PIK3C3: variants seen among roughly 807,000 people sequenced by gnomAD.
PIK3C3 encodes the protein PI3-kinase type 3.
PIK3C3 carries 95 observed loss-of-function variants against 126.1 expected under a neutral mutation model. The ratio of observed to expected loss-of-function variants is 0.75; its 90% confidence interval spans 0.64 to 0.89. PIK3C3 has a LOEUF of 0.89. PIK3C3 is among the 40% of genes least tolerant of loss of function. PIK3C3 has a pLI of 0.00. For missense variants in PIK3C3, 829 were observed against 1,063.2 expected, an observed-to-expected ratio of 0.78 and a Z score of 3.06; for synonymous variants, 374 against 360.0, an observed-to-expected ratio of 1.04 and a Z score of -0.44.
At chr18:42,057,820 A>G (rs1451995306) in intron 21 of PIK3C3, 63 bp from the exon 22 acceptor site, 1 of 1,416,308 alleles carries the variant, frequency 7.1e-7, no homozygotes, top group African/African-American at 1.4e-5. Flanking sequence ...ATTGTGTGAC[A>G]TATCACCTAC....
chr18:41,982,688 AC>A lies in PIK3C3; in HGVS notation c.532-5120del, dbSNP rs199738723. Among the ~76,000 whole-genome samples the A allele has an allele frequency of 9.8e-4, 149 of 152,306 alleles. No individual in the cohort carries two copies. The East Asian group carries it at 0.019, about 20-fold the overall frequency. ...AAGCACAAAGAGGACTATGAAAGTC[AC>A]CCCAGTCTACCTACCACTCAAAGAT... On this transcript the variant is annotated intron_variant, in intron 4 of 24. Transcript: ENST00000262039.
chr18:42,013,754 A>G (rs916943332), intron 11 of PIK3C3, among the ~76,000 whole-genome samples, 158 bp downstream of exon 11: 5 of 152,176 alleles, frequency 3.3e-5, no homozygotes, highest in African/African-American at 9.7e-5. Flanking sequence ...CACACAGATT[A>G]CTATATTAGG....
At chr18:42,023,133 A>G (rs1300021467) in intron 13 of PIK3C3, among the ~76,000 whole-genome samples, 2 of 152,200 alleles carry the variant, frequency 1.3e-5, no homozygotes, top group Non-Finnish European at 2.9e-5. Flanking sequence ...TTTCCTTGCA[A>G]TATTCACAGA....
intron 10 of PIK3C3, among the ~76,000 whole-genome samples, chr18:42,011,567 C>T (rs1291334015): frequency 6.6e-6 from 1 of 152,086 alleles, no homozygotes; most frequent in East Asian, 1.9e-4. Flanking sequence ...TTTGATCTAC[C>T]CAGACCACCA....
chr18:42,067,565 C>T (rs781379536), intron 24 of PIK3C3, 52 bp downstream of exon 24: 24 of 1,597,346 alleles, frequency 1.5e-5, no homozygotes, highest in Non-Finnish European at 2.1e-5. Flanking sequence ...TGTACTGCCC[C>T]AGAGTCCTTG....
chr18:41,984,278 T>C (rs1310825509), intron 4 of PIK3C3, among the ~76,000 whole-genome samples: 1 of 152,106 alleles, frequency 6.6e-6, no homozygotes. Flanking sequence ...TGGTCTTTAG[T>C]ATCTATAGAA....
intron 12 of PIK3C3, among the ~76,000 whole-genome samples, chr18:42,017,485 A>T (rs573570026): frequency 5.9e-5 from 9 of 152,092 alleles, no homozygotes; most frequent in Non-Finnish European, 1.2e-4. Context: ...GTGTTATTGA[A>T]ATCTGTACTC....
At position 42,033,888 on chromosome 18, in the gene PIK3C3, TA is replaced by T; in HGVS notation, c.1771del (p.Ile591SerfsTer5). The T allele has an allele frequency of 6.2e-7, 1 of 1,605,656 alleles. No homozygotes were observed. ...AGATGAATTTGTCAGATGTGGAACT[TA>T]TCCCGTTGCCTTTAGAACCCCAAGT... is the stretch of plus-strand genomic sequence containing the variant. ...EKMNLSDVEL[I>X]PLPLEPQVKI... On this transcript the variant is annotated frameshift_variant, in exon 16 of 25. Transcript: ENST00000262039. LOFTEE classifies it high-confidence loss of function.
Position 42,020,685 on chromosome 18 carries a change from A to C in PIK3C3, c.1464A>C (p.Thr488=), listed in dbSNP as rs772377643. The C allele has an allele frequency of 6.3e-7, 1 of 1,596,336 alleles. No individual in the cohort carries two copies. The highest frequency in any genetic ancestry group is 8.6e-7 in the Non-Finnish European group (1 of 1,165,310). ...TATCGAGAGCCTGCAAAAACTCAAC[A>C]CTGGCTAATTATTTATACTGGTATG... The part of the protein sequence containing the change: ...FLISRACKNS[T]LANYLYWYVI... Residue 488 remains threonine (T), a synonymous_variant, in exon 13 of 25, where the codon ACA becomes ACC. Transcript: ENST00000262039.
At chr18:42,007,433 C>T (rs964530063) in intron 10 of PIK3C3, among the ~76,000 whole-genome samples, 1 of 151,988 alleles carries the variant, frequency 6.6e-6, no homozygotes, top group Admixed American at 6.5e-5. Context: ...TAAAACTGCA[C>T]CAGAATCTTA....
intron 19 of PIK3C3, 95 bp downstream of exon 19, chr18:42,040,836 T>G: frequency 1.2e-6 from 1 of 801,960 alleles, no homozygotes; most frequent in Non-Finnish European, 2.0e-6. Context: ...AAAGTCTCCT[T>G]TTATCATTTT....
chr18:41,979,655 G>A (rs888843118), intron 4 of PIK3C3, among the ~76,000 whole-genome samples: 7 of 151,938 alleles, frequency 4.6e-5, no homozygotes, highest in Non-Finnish European at 8.8e-5. Flanking sequence ...TTTATTTTAC[G>A]CTTTTAAGAT....
chr18:42,078,456 CTGTTTCATT>C (rs1186097321), intron 24 of PIK3C3, among the ~76,000 whole-genome samples: 1 of 150,352 alleles, frequency 6.7e-6, no homozygotes, highest in East Asian at 2.0e-4. Flanking sequence ...ATCCAAGCTA[CTGTTTCATT>C]TGTAGATCAA....
chr18:42,076,145 C>CATAT (rs1232530841), intron 24 of PIK3C3, among the ~76,000 whole-genome samples: 1 of 26,230 alleles, frequency 3.8e-5, no homozygotes, highest in African/African-American at 2.2e-4. Context: ...TATATATATG[C>CATAT]GCATATATAT....
intron 24 of PIK3C3, among the ~76,000 whole-genome samples, chr18:42,076,165 CAT>C (rs375558824): frequency 0.019 from 1,976 of 103,470 alleles, 109 homozygotes; most frequent in African/African-American, 0.062. Flanking sequence ...TATATATGCA[CAT>C]ATATATATAT....
intron 4 of PIK3C3, among the ~76,000 whole-genome samples, chr18:41,977,853 C>A (rs1981006605): frequency 6.6e-6 from 1 of 152,174 alleles, no homozygotes. Context: ...AAGTCTCATT[C>A]ATTCAGCTCA....
At chr18:42,027,917 A>T (rs1983645509) in intron 14 of PIK3C3, among the ~76,000 whole-genome samples, 1 of 152,134 alleles carries the variant, frequency 6.6e-6, no homozygotes, top group Admixed American at 6.5e-5. Context: ...CGGCCTCCCA[A>T]AGTGCTGGCA....
At chr18:42,073,327 T>C (rs1950151759) in intron 24 of PIK3C3, among the ~76,000 whole-genome samples, 1 of 152,174 alleles carries the variant, frequency 6.6e-6, no homozygotes. Flanking sequence ...TGCCTTTAGC[T>C]TAAGGGAATT....
At position 42,035,751 on chromosome 18, in the gene PIK3C3, C is replaced by A. The variant is rs187646560; in HGVS notation, c.1839+1794C>A. Among the ~76,000 whole-genome samples the A allele has an allele frequency of 2.5e-3, 378 of 152,258 alleles. 2 individuals carry two copies. The highest frequency in any genetic ancestry group is 8.8e-3 in the African/African-American group (366 of 41,550). Reference sequence around the variant, plus strand: ...AATTGCCCGTATGCTTACACATACACTGAAATTTCTGCATACACTTGCAGA... The same window carrying A: ...AATTGCCCGTATGCTTACACATACAATGAAATTTCTGCATACACTTGCAGA... On this transcript the variant is annotated intron_variant, in intron 16 of 24. Transcript: ENST00000262039.
Sources: gnomAD v4.1 joint callset for allele counts (sites outside exome capture counted in the v4.1 genomes callset) on GRCh38, gnomAD v4.1.1 for gene constraint, MANE v1.5 for transcripts, NCBI Gene and HGNC (gene_info 2026-07-23, HGNC 2026-07-21) for gene names.